SGCZ: variants seen among roughly 807,000 people sequenced by gnomAD.
The protein encoded by SGCZ is zeta-sarcoglycan.
SGCZ carries 40 observed loss-of-function variants against 41.3 expected under a neutral mutation model. The observed-to-expected ratio is 0.97, with a 90% CI of 0.75 to 1.26. SGCZ has a LOEUF of 1.26. Among genes scored for constraint, SGCZ ranks in the 50% most tolerant of loss-of-function variants. The pLI is 0.00. For synonymous variants in SGCZ, 206 were observed against 137.5 expected (o/e 1.50, Z -3.49); for missense variants, 552 against 369.8 (o/e 1.49, Z -4.04).
chr8:14,179,368 C>A lies in SGCZ; in HGVS notation c.425-14666G>T, dbSNP rs577680897. Among the ~76,000 whole-genome samples the A allele has an allele frequency of 4.6e-5, 7 of 152,224 alleles. No homozygotes were observed. The South Asian group carries it at 6.2e-4, about 14-fold the overall frequency. On this transcript the variant is annotated intron_variant, in intron 4 of 7. Transcript: ENST00000382080. ...CACTGTGAATGACTTGGGCTAATAC[C>A]TTTTCTAGTATCCCTTTAGCAGAAG...
At chr8:14,177,924 T>G (rs1479314048) in intron 4 of SGCZ, among the ~76,000 whole-genome samples, 1 of 136,796 alleles carries the variant, frequency 7.3e-6, no homozygotes, top group Non-Finnish European at 1.6e-5. Flanking sequence ...CTTGGAGATT[T>G]TATTTTTCTT....
chr8:14,607,693 C>T (rs989069797), intron 1 of SGCZ, among the ~76,000 whole-genome samples: 2 of 113,646 alleles, frequency 1.8e-5, no homozygotes, highest in Non-Finnish European at 3.9e-5. Flanking sequence ...GATCTCAACT[C>T]GTGGGATCTA....
chr8:15,152,749 C>T (rs572436255), intron 1 of SGCZ, among the ~76,000 whole-genome samples: 2 of 152,308 alleles, frequency 1.3e-5, no homozygotes, highest in Non-Finnish European at 2.9e-5. Flanking sequence ...ACAAAGAAGT[C>T]CTTTTTGTTT....
chr8:14,780,655 A>G (rs1456167236), intron 1 of SGCZ, among the ~76,000 whole-genome samples: 1 of 152,168 alleles, frequency 6.6e-6, no homozygotes, highest in Admixed American at 6.5e-5. Context: ...AGCTGATCAT[A>G]AAACCTCAAC....
chr8:14,644,432 A>C (rs894077874), intron 1 of SGCZ, among the ~76,000 whole-genome samples: 4 of 151,860 alleles, frequency 2.6e-5, no homozygotes, highest in African/African-American at 9.7e-5. Context: ...CTCTTACCCA[A>C]GTTTCCAGTT....
chr8:14,346,228 A>G (rs1230819086), intron 2 of SGCZ, among the ~76,000 whole-genome samples: 2 of 152,086 alleles, frequency 1.3e-5, no homozygotes, highest in African/African-American at 4.8e-5. Context: ...AATTGTTTGT[A>G]CATTCTGCTC....
intron 1 of SGCZ, among the ~76,000 whole-genome samples, chr8:14,837,061 T>C (rs1310926170): frequency 2.0e-5 from 3 of 152,144 alleles, no homozygotes; most frequent in Non-Finnish European, 4.4e-5. Flanking sequence ...AGCCCTAAAT[T>C]TAAATACCTG....
chr8:15,070,877 T>A (rs1805326774), intron 1 of SGCZ, among the ~76,000 whole-genome samples: 1 of 152,114 alleles, frequency 6.6e-6, no homozygotes, highest in South Asian at 2.1e-4. Flanking sequence ...GAGGTGTTCA[T>A]CTCGGATCTG....
chr8:14,634,009 A>G lies in SGCZ; in HGVS notation c.40-79083T>C, dbSNP rs77644645. On this transcript the variant is annotated intron_variant, in intron 1 of 7. Coordinates refer to ENST00000382080, the MANE Select transcript of SGCZ (RefSeq NM_139167.4). ...CAAGACTACCAGTATAAATGATTCT[A>G]ATACATTTTCCAGAAATCTTGACAA... Among the ~76,000 whole-genome samples, 1,335 of 152,034 alleles carry G rather than the reference A, an allele frequency of 8.8e-3. 18 individuals carry two copies. The highest frequency in any genetic ancestry group is 0.03 in the African/African-American group (1,265 of 41,548).
chr8:14,302,666 C>T (rs1801236187), intron 3 of SGCZ, among the ~76,000 whole-genome samples: 1 of 151,992 alleles, frequency 6.6e-6, no homozygotes, highest in Non-Finnish European at 1.5e-5. Flanking sequence ...AAAGGCCTGC[C>T]GAATACTTCT....
intron 1 of SGCZ, among the ~76,000 whole-genome samples, chr8:14,808,577 A>G (rs1191087640): frequency 6.6e-6 from 1 of 152,164 alleles, no homozygotes; most frequent in East Asian, 1.9e-4. Flanking sequence ...AAGTCAGGAA[A>G]CAACAGGTGC....
chr8:14,399,668 T>C (rs1799019075), intron 2 of SGCZ, among the ~76,000 whole-genome samples: 1 of 152,138 alleles, frequency 6.6e-6, no homozygotes, highest in Admixed American at 6.6e-5. Flanking sequence ...GAAAAGAAGA[T>C]AATATTTTAT....
intron 1 of SGCZ, among the ~76,000 whole-genome samples, chr8:15,190,681 G>A (rs1032116230): frequency 6.7e-6 from 1 of 150,266 alleles, no homozygotes; most frequent in Non-Finnish European, 1.5e-5. Context: ...AAAATTGTGT[G>A]GGGGGAGGTG....
chr8:14,126,314 C>A (rs1260130764), intron 5 of SGCZ, among the ~76,000 whole-genome samples: 1 of 152,034 alleles, frequency 6.6e-6, no homozygotes, highest in Non-Finnish European at 1.5e-5. Flanking sequence ...AAAAAATGGG[C>A]AAAGGACATG....
intron 1 of SGCZ, among the ~76,000 whole-genome samples, chr8:14,791,712 G>T (rs1437391596): frequency 6.6e-6 from 1 of 152,154 alleles, no homozygotes; most frequent in Non-Finnish European, 1.5e-5. Context: ...AATATTATGT[G>T]CATTATTGCT....
At chr8:14,787,299 G>A (rs185303636) in intron 1 of SGCZ, among the ~76,000 whole-genome samples, 1 of 152,172 alleles carries the variant, frequency 6.6e-6, no homozygotes, top group East Asian at 1.9e-4. Context: ...TTAGAGTTGT[G>A]CAAACCTCCC....
chr8:14,203,313 T>C (rs1298218560), intron 4 of SGCZ, among the ~76,000 whole-genome samples: 1 of 152,148 alleles, frequency 6.6e-6, no homozygotes, highest in African/African-American at 2.4e-5. Flanking sequence ...ACGAGAAGAG[T>C]GTAGGAGATC....
chr8:15,158,191 T>C (rs923399007), intron 1 of SGCZ, among the ~76,000 whole-genome samples: 3 of 152,058 alleles, frequency 2.0e-5, no homozygotes, highest in Non-Finnish European at 4.4e-5. Flanking sequence ...TGAAAAGATA[T>C]AGTCCCCATT....
At chr8:15,066,277 C>A (rs1308846802) in intron 1 of SGCZ, among the ~76,000 whole-genome samples, 1 of 148,858 alleles carries the variant, frequency 6.7e-6, no homozygotes, top group Non-Finnish European at 1.5e-5. Context: ...CACTGCAGTC[C>A]GCAGTCCGGC....
Sources: gnomAD v4.1 joint callset for allele counts (sites outside exome capture counted in the v4.1 genomes callset) on GRCh38, gnomAD v4.1.1 for gene constraint, MANE v1.5 for transcripts, NCBI Gene and HGNC (gene_info 2026-07-23, HGNC 2026-07-21) for gene names.